AP1AR: variants seen among roughly 807,000 people sequenced by gnomAD.
AP1AR encodes the protein adaptor related protein complex 1 associated regulatory protein, also known as AP-1 complex-associated regulatory protein.
In AP1AR, 29 loss-of-function variants were observed where a neutral mutation model predicts 46.3. The ratio of observed to expected loss-of-function variants is 0.63; its 90% confidence interval spans 0.47 to 0.85. The LOEUF (loss-of-function observed/expected upper bound fraction) is 0.85. Ranked by LOEUF, AP1AR falls within the 40% of genes least tolerant of loss-of-function variation. The probability of loss-of-function intolerance (pLI) is 0.00; values close to 1 mark genes in which losing one functional copy is unlikely to be tolerated. For synonymous variants in AP1AR, 122 were observed against 122.9 expected, an observed-to-expected ratio of 0.99 and a Z score of 0.05; for missense variants, 357 against 356.3, an observed-to-expected ratio of 1.00 and a Z score of -0.02.
intron 6 of AP1AR, among the ~76,000 whole-genome samples, chr4:112,264,216 A>G (rs568398377): frequency 1.2e-4 from 19 of 152,284 alleles, no homozygotes; most frequent in African/African-American, 4.6e-4. Context: ...TATCATATAG[A>G]CACTTTTTAC....
At chr4:112,266,472 T>A in intron 8 of AP1AR, 116 bp from the exon 9 acceptor site, 1 of 1,013,124 alleles carries the variant, frequency 9.9e-7, no homozygotes, top group Non-Finnish European at 1.4e-6. Context: ...TTATTTCTTA[T>A]GAAGCTAAAA....
Position 112,260,795 on chromosome 4 carries a change from T to C in AP1AR, c.215T>C (p.Leu72Pro). The C allele has an allele frequency of 4.4e-6, 7 of 1,603,814 alleles. No individual in the cohort carries two copies. The highest frequency in any genetic ancestry group is 6.0e-6 in the Non-Finnish European group (7 of 1,176,098). Residue 72 changes from leucine (L) to proline (P), a missense_variant, in exon 5 of 10, where the codon CTA becomes CCA. By Grantham distance (98) the Leu-to-Pro change is moderately conservative. Transcript: ENST00000274000. ...CTTACTGAGGAAGAAATTGTTGACC[T>C]AAGAGAAAGGCATTATGATTCCATT... is the stretch of plus-strand genomic sequence containing the variant. Reference protein sequence around the residue: ...RPLTEEEIVDLRERHYDSIAE... With the variant: ...RPLTEEEIVDPRERHYDSIAE...
Position 112,247,734 on chromosome 4 carries a change from T to C in AP1AR, c.84-5474T>C, listed in dbSNP as rs114324546. On this transcript the variant is annotated intron_variant, in intron 1 of 9. Transcript: ENST00000274000. The stretch of plus-strand genomic sequence containing the variant: ...GCTTTCTAATTGACCTCTTAAAACA[T>C]ATGTCAGCGTGTCTTTTAAGGATCT... Among the ~76,000 whole-genome samples the C allele has an allele frequency of 3.1e-3, 473 of 152,352 alleles. 3 individuals are homozygous for C. The highest frequency in any genetic ancestry group is 0.014 in the Middle Eastern group (4 of 294).
rs1726731381 is a variant in AP1AR, at chr4:112,266,833, T to G, written c.643+117T>G. On this transcript the variant is annotated intron_variant, in intron 9 of 9. Transcript: ENST00000274000. ...AAATTCAAGGCCTTGAAAAATCATA[T>G]AAACACTTTTTAGACCATTATTGTA... The G allele has an allele frequency of 5.0e-6, 5 of 998,590 alleles. No homozygotes were observed. In the Admixed American group the frequency reaches 1.7e-4, roughly 33 times the overall value. 61.9% of individuals were successfully genotyped at this position (998,590 alleles called of 1,614,324 possible). A position where few individuals can be genotyped will look rare whatever the true frequency, so the allele number is the denominator to read the frequency against.
In AP1AR at chr4:112,265,599, G is replaced by A. The variant is rs947945887; in HGVS notation, c.441-135G>A. On this transcript the variant is annotated intron_variant, in intron 7 of 9. Transcript: ENST00000274000. ...AGAAAATTAAGAACTATTTTCATTA[G>A]GTTATTCTAATTGTACAGCAGTTAT... 2.7e-5 allele frequency: 16 copies of A among 595,468 alleles called. No individual in the cohort carries two copies. The African/African-American group carries it at 3.1e-4, about 12-fold the overall frequency. 36.9% of individuals were successfully genotyped at this position (595,468 alleles called of 1,614,324 possible). A position where few individuals can be genotyped will look rare whatever the true frequency, so the allele number is the denominator to read the frequency against.
rs2110499266 is a variant in AP1AR at position 112,270,544 on chromosome 4, G to T, written c.*2135G>T. Among the ~76,000 whole-genome samples the T allele has an allele frequency of 6.6e-6, 1 of 152,230 alleles. No homozygotes were observed. The highest frequency in any genetic ancestry group is 1.9e-4 in the East Asian group (1 of 5,204). ...TAAAACTTAATTGTTTTAAGTTTTA[G>T]TTGTTAACTTGTTAATTGTTTACTT... On this transcript the variant is annotated 3_prime_UTR_variant, in exon 10 of 10. Coordinates refer to ENST00000274000, the MANE Select transcript of AP1AR (RefSeq NM_018569.6).
chr4:112,249,613 A>C (rs959309332), intron 1 of AP1AR, among the ~76,000 whole-genome samples: 21 of 150,676 alleles, frequency 1.4e-4, no homozygotes, highest in South Asian at 6.3e-4. Context: ...GTCGAGATCC[A>C]GCCACTGCAC....
At chr4:112,258,774 A>G (rs774945099) in intron 4 of AP1AR, among the ~76,000 whole-genome samples, 24 of 152,326 alleles carry the variant, frequency 1.6e-4, no homozygotes, top group Middle Eastern at 3.4e-3. Context: ...TTATCAAAAC[A>G]ACTTTATGAA....
intron 1 of AP1AR, among the ~76,000 whole-genome samples, chr4:112,250,728 A>G (rs1391674436): frequency 6.6e-6 from 1 of 152,214 alleles, no homozygotes. Context: ...TTATTGTGGT[A>G]GGAGTCAAGA....
chr4:112,237,699 T>G (rs1725314302), intron 1 of AP1AR, among the ~76,000 whole-genome samples: 1 of 151,796 alleles, frequency 6.6e-6, no homozygotes, highest in Non-Finnish European at 1.5e-5. Flanking sequence ...ACTCAAGTGA[T>G]CTGCATACCT....
chr4:112,238,439 A>T (rs1725346258), intron 1 of AP1AR, among the ~76,000 whole-genome samples: 1 of 152,112 alleles, frequency 6.6e-6, no homozygotes, highest in Admixed American at 6.5e-5. Context: ...TGAGAATTTT[A>T]AAAATATTTA....
intron 1 of AP1AR, among the ~76,000 whole-genome samples, chr4:112,243,142 T>C (rs1329180578): frequency 1.3e-5 from 2 of 152,236 alleles, no homozygotes; most frequent in Non-Finnish European, 2.9e-5. Context: ...GCACATATTA[T>C]GTGCCCGTAA....
Position 112,269,969 on chromosome 4 carries a change from T to C in AP1AR, c.*1560T>C, listed in dbSNP as rs185831230. The C allele has an allele frequency of 9.6e-4, 147 of 152,728 alleles. No individual in the cohort carries two copies. The highest frequency in any genetic ancestry group is 3.2e-3 in the African/African-American group (135 of 41,590). The allele number at this position is 152,728 out of a possible 1,614,324, so 9.5% of individuals were successfully genotyped here. A position where few individuals can be genotyped will look rare whatever the true frequency, so the allele number is the denominator to read the frequency against. On this transcript the variant is annotated 3_prime_UTR_variant, in exon 10 of 10. Coordinates refer to ENST00000274000, the MANE Select transcript of AP1AR (RefSeq NM_018569.6). ...ACGATTGTAATTTTTCTTGGCTTTT[T>C]GTTCATAAAGAATTTTTTGAAGGAA...
Position 112,272,521 on chromosome 4 carries a change from G to C in AP1AR, c.*4112G>C, listed in dbSNP as rs1262048765. ...ATGTGCATAACTTCAATCACCAAAA[G>C]GCCCTTCCAGATACTGGCAAACCAC... On this transcript the variant is annotated 3_prime_UTR_variant, in exon 10 of 10. Coordinates refer to ENST00000274000, the MANE Select transcript of AP1AR (RefSeq NM_018569.6). Among the ~76,000 whole-genome samples the C allele has an allele frequency of 2.0e-5, 3 of 152,052 alleles. No individual in the cohort carries two copies. The highest frequency in any genetic ancestry group is 7.2e-5 in the African/African-American group (3 of 41,392).
At position 112,271,745 on chromosome 4, in the gene AP1AR, G is replaced by A. The variant is rs1355014274; in HGVS notation, c.*3336G>A. ...CTTTGAGGTGTTCATAAGATATTTG[G>A]ATGAAGATGTCAAGTAGGTGATGGG... On this transcript the variant is annotated 3_prime_UTR_variant, in exon 10 of 10. Coordinates refer to ENST00000274000, the MANE Select transcript of AP1AR (RefSeq NM_018569.6). Among the ~76,000 whole-genome samples the A allele has an allele frequency of 1.3e-5, 2 of 152,182 alleles. No individual in the cohort carries two copies. Among genetic ancestry groups the A allele is most frequent in the African/African-American group, 4.8e-5 (2 of 41,454 alleles).
chr4:112,245,406 G>A (rs1725687168), intron 1 of AP1AR, among the ~76,000 whole-genome samples: 1 of 152,030 alleles, frequency 6.6e-6, no homozygotes, highest in South Asian at 2.1e-4. Context: ...GAAGAATTAA[G>A]GAAGATCTAA....
At chr4:112,241,675 C>T (rs986025357) in intron 1 of AP1AR, among the ~76,000 whole-genome samples, 18 of 152,224 alleles carry the variant, frequency 1.2e-4, no homozygotes, top group African/African-American at 4.3e-4. Flanking sequence ...GATATCTGGG[C>T]ATCTGGTGAC....
At chr4:112,257,137 A>T (rs1726232859) in intron 3 of AP1AR, among the ~76,000 whole-genome samples, 1 of 152,186 alleles carries the variant, frequency 6.6e-6, no homozygotes, top group Non-Finnish European at 1.5e-5. Context: ...TTTAAACAGA[A>T]ATCACCAGCA....
At chr4:112,251,297 T>C (rs1472853037) in intron 1 of AP1AR, among the ~76,000 whole-genome samples, 1 of 152,194 alleles carries the variant, frequency 6.6e-6, no homozygotes, top group Non-Finnish European at 1.5e-5. Flanking sequence ...TGGCTGTGAA[T>C]AGAGGGGACA....
Sources: allele counts gnomAD v4.1 joint callset (sites outside exome capture counted in the v4.1 genomes callset), GRCh38; gene constraint gnomAD v4.1.1; transcripts MANE v1.5; gene names NCBI Gene and HGNC (gene_info 2026-07-23, HGNC 2026-07-21).